The following SCN9A variants were observed in gnomAD, a reference collection of about 807,000 sequenced individuals.
The protein encoded by SCN9A is sodium voltage-gated channel alpha subunit 9.
A neutral mutation model predicts 187.0 loss-of-function variants in SCN9A; 131 were observed. The observed-to-expected ratio is 0.70, with a 90% CI of 0.61 to 0.81. SCN9A has a LOEUF of 0.81. Ranked by LOEUF, SCN9A falls within the 30% of genes least tolerant of loss-of-function variation. The pLI is 0.00. For synonymous variants in SCN9A, 809 were observed against 808.6 expected, an observed-to-expected ratio of 1.00 and a Z score of -0.01; for missense variants, 2,252 against 2,396.6, an observed-to-expected ratio of 0.94 and a Z score of 1.26.
At chr2:166,304,032 T>C (rs1171403783) in intron 6 of SCN9A, 1 of 1,612,958 alleles carries the variant, frequency 6.2e-7, no homozygotes, top group Non-Finnish European at 8.5e-7. Context: ...CACTCTCACC[T>C]GGAATGACTG....
intron 24 of SCN9A, among the ~76,000 whole-genome samples, chr2:166,205,460 T>C (rs1374462319): frequency 2.6e-5 from 4 of 152,192 alleles, no homozygotes; most frequent in African/African-American, 9.7e-5. Flanking sequence ...GCTAGCCATA[T>C]GTAGAAAGTT....
chr2:166,209,996 A>T (rs1384081723), intron 24 of SCN9A, among the ~76,000 whole-genome samples: 2 of 152,170 alleles, frequency 1.3e-5, no homozygotes, highest in Non-Finnish European at 2.9e-5. Context: ...TGCTATAAAG[A>T]CGCATGCACA....
chr2:166,226,646 A>G lies in SCN9A; in HGVS notation c.4319T>C (p.Phe1440Ser). 6.3e-7 allele frequency: 1 copy of G among 1,588,806 alleles called. No individual in the cohort carries two copies. The highest frequency in any genetic ancestry group is 8.6e-7 in the Non-Finnish European group (1 of 1,167,506). ...AGTGAAGAATGACCCAAAGATGATA[A>G]AGACGACAAAATAAATATACATGTA... ...SLYMYIYFVV[F>S]IIFGSFFTLN... The change falls in exon 24 of 27, where the codon TTT becomes TCT. Residue 1440 changes from phenylalanine to serine, a missense_variant. Physicochemically the swap from Phe to Ser is radical, Grantham distance 155. Around this residue, in one of 7 missense-constraint regions of SCN9A, gnomAD observed 368 missense variants for 408.6 expected, o/e 0.90. Transcript: ENST00000642356.
chr2:166,220,918 C>T (rs1003245617), intron 24 of SCN9A, among the ~76,000 whole-genome samples: 4 of 152,072 alleles, frequency 2.6e-5, no homozygotes, highest in African/African-American at 9.7e-5. Flanking sequence ...AAAGACTCCA[C>T]ACATCAGGAA....
At chr2:166,372,240 T>G (rs1700583014) in intron 1 of SCN9A, among the ~76,000 whole-genome samples, 1 of 152,158 alleles carries the variant, frequency 6.6e-6, no homozygotes, top group African/African-American at 2.4e-5. Flanking sequence ...TCTCTGAACC[T>G]TCCTTAGAGA....
intron 24 of SCN9A, chr2:166,204,815 T>C (rs1693719568): frequency 6.5e-6 from 1 of 154,876 alleles, no homozygotes; most frequent in Non-Finnish European, 1.4e-5. Context: ...TTTGTAAGAA[T>C]TAAAAGTAAT....
chr2:166,314,550 C>T (rs1699061333), intron 1 of SCN9A, among the ~76,000 whole-genome samples: 1 of 152,134 alleles, frequency 6.6e-6, no homozygotes, highest in Non-Finnish European at 1.5e-5. Context: ...AAAAAGTAAA[C>T]ACAACCTCAT....
intron 24 of SCN9A, 110 bp from the exon 25 acceptor site, chr2:166,204,574 T>C: frequency 1.7e-6 from 1 of 595,948 alleles, no homozygotes. Flanking sequence ...ATAAAATGTA[T>C]TTTATTATGT....
intron 19 of SCN9A, among the ~76,000 whole-genome samples, chr2:166,239,290 G>A (rs1422146239): frequency 6.6e-6 from 1 of 150,516 alleles, no homozygotes; most frequent in African/African-American, 2.4e-5. Flanking sequence ...CAGGTCTAAA[G>A]TGTTAGAACT....
intron 13 of SCN9A, 113 bp downstream of exon 13, chr2:166,281,566 C>G: frequency 2.1e-6 from 2 of 936,270 alleles, no homozygotes; most frequent in Non-Finnish European, 1.6e-6. Context: ...CATTTAAAAC[C>G]ATTTTATGGT....
intron 19 of SCN9A, among the ~76,000 whole-genome samples, chr2:166,241,285 C>T (rs967200985): frequency 8.6e-5 from 13 of 151,968 alleles, no homozygotes; most frequent in African/African-American, 2.2e-4. Context: ...TCTCTGTCAG[C>T]GTCAGCAGGA....
At chr2:166,356,573 A>G (rs1325632252) in intron 1 of SCN9A, among the ~76,000 whole-genome samples, 1 of 152,196 alleles carries the variant, frequency 6.6e-6, no homozygotes, top group Non-Finnish European at 1.5e-5. Context: ...ATAACGAAAA[A>G]TAATTCTCTC....
intron 20 of SCN9A, among the ~76,000 whole-genome samples, chr2:166,237,581 T>C (rs1695373721): frequency 6.6e-6 from 1 of 152,050 alleles, no homozygotes; most frequent in African/African-American, 2.4e-5. Context: ...TTTCATGACT[T>C]CTCTCTCCCC....
chr2:166,205,000 G>A (rs1038587823), intron 24 of SCN9A: 4 of 152,124 alleles, frequency 2.6e-5, no homozygotes, highest in African/African-American at 2.4e-5. Context: ...ACTGCTCAGC[G>A]AAATAAAAGA....
chr2:166,274,572 T>A (rs1697145874), intron 16 of SCN9A, among the ~76,000 whole-genome samples: 1 of 152,124 alleles, frequency 6.6e-6, no homozygotes, highest in African/African-American at 2.4e-5. Context: ...CAGGAATATA[T>A]TTTTTTCCTT....
At position 166,196,178 on chromosome 2, in the gene SCN9A, C is replaced by T. The variant is rs1464800481; in HGVS notation, c.*2494G>A. 6.6e-6 allele frequency: 1 copy of T among 151,976 alleles called. No homozygotes were observed. The highest frequency in any genetic ancestry group is 1.5e-5 in the Non-Finnish European group (1 of 67,994). The allele number at this position is 151,976 out of a possible 1,614,324, so 9.4% of individuals were successfully genotyped here. On this transcript the variant is annotated 3_prime_UTR_variant, in exon 27 of 27. Coordinates refer to ENST00000642356, the MANE Select transcript of SCN9A (RefSeq NM_001365536.1). ...AAATTTAAATATTAATATGACAGTG[C>T]CTTCTGAAGGGTGAAACCATCAGTA...
intron 24 of SCN9A, among the ~76,000 whole-genome samples, 185 bp downstream of exon 24, chr2:166,226,382 T>C (rs1056961917): frequency 6.6e-6 from 1 of 152,122 alleles, no homozygotes; most frequent in Non-Finnish European, 1.5e-5. Flanking sequence ...AGAAAATTGT[T>C]TTCTGTGCAA....
In SCN9A at chr2:166,335,168, G is replaced by A. The variant is rs868789715; in HGVS notation, c.-50-23362C>T. Among the ~76,000 whole-genome samples, 7 of 152,084 alleles carry A rather than the reference G, an allele frequency of 4.6e-5. No homozygotes were observed. In the South Asian group the frequency reaches 8.3e-4, roughly 18 times the overall value. Reference sequence around the variant, plus strand: ...TTTACTTCTACACAAATAAAAAATGGATATTAGTAATTGACCCAGGAATTG... The same window carrying A: ...TTTACTTCTACACAAATAAAAAATGAATATTAGTAATTGACCCAGGAATTG... On this transcript the variant is annotated intron_variant, in intron 1 of 26. Transcript: ENST00000642356.
At chr2:166,291,984 G>C (rs1351458536) in intron 9 of SCN9A, among the ~76,000 whole-genome samples, 1 of 152,034 alleles carries the variant, frequency 6.6e-6, no homozygotes, top group Admixed American at 6.6e-5. Flanking sequence ...GAAAACCTAG[G>C]CAACACCATT....
Sources: gnomAD v4.1 joint callset for allele counts (sites outside exome capture counted in the v4.1 genomes callset) on GRCh38, gnomAD v4.1.1 for gene constraint, gnomAD v4.1.1 regional missense constraint, MANE v1.5 for transcripts, NCBI Gene and HGNC (gene_info 2026-07-23, HGNC 2026-07-21) for gene names.